The following PAQR8 variants were observed in gnomAD, a reference collection of about 807,000 sequenced individuals.
The protein encoded by PAQR8 is membrane progestin receptor beta.
In PAQR8, 17 loss-of-function variants were observed where a neutral mutation model predicts 25.2. The ratio of observed to expected loss-of-function variants is 0.67; its 90% CI spans 0.46 to 1.01. PAQR8 has a LOEUF of 1.01. Among genes scored for constraint, PAQR8 ranks in the 50% least tolerant of loss-of-function variants. PAQR8 has a pLI of 0.00. For synonymous variants in PAQR8, 204 were observed against 190.6 expected, an observed-to-expected ratio of 1.07 and a Z score of -0.58; for missense variants, 392 against 448.4, an observed-to-expected ratio of 0.87 and a Z score of 1.14.
intron 1 of PAQR8, among the ~76,000 whole-genome samples, chr6:52,363,922 G>A (rs1333033722): frequency 1.3e-5 from 2 of 151,984 alleles, no homozygotes; most frequent in Admixed American, 6.6e-5. Flanking sequence ...CCTTGGGTGC[G>A]TGTCCTTCAA....
chr6:52,402,393 G>C (rs1170925883), intron 1 of PAQR8, among the ~76,000 whole-genome samples: 1 of 150,374 alleles, frequency 6.7e-6, no homozygotes, highest in Admixed American at 6.6e-5. Flanking sequence ...TGAGGTGGGC[G>C]GATCACCTGA....
chr6:52,371,719 T>C (rs1763421599), intron 1 of PAQR8, among the ~76,000 whole-genome samples: 1 of 152,230 alleles, frequency 6.6e-6, no homozygotes. Flanking sequence ...ATAGCTACCA[T>C]GTATTGAGCA....
chr6:52,366,042 A>T (rs1307905471), intron 1 of PAQR8, among the ~76,000 whole-genome samples: 2 of 152,156 alleles, frequency 1.3e-5, no homozygotes, highest in African/African-American at 2.4e-5. Flanking sequence ...CATTCCCTTC[A>T]TTCCAAATGT....
At chr6:52,386,513 G>A (rs77655326) in intron 1 of PAQR8, among the ~76,000 whole-genome samples, 6,309 of 152,258 alleles carry the variant, frequency 0.041, 223 homozygotes, top group East Asian at 0.15. Context: ...ATGGAATACT[G>A]TGGAGCTGTA....
intron 1 of PAQR8, among the ~76,000 whole-genome samples, chr6:52,381,340 G>A (rs892774609): frequency 1.3e-5 from 2 of 152,248 alleles, no homozygotes; most frequent in Non-Finnish European, 2.9e-5. Context: ...GGGTGCGGTG[G>A]CTCGGGCCTG....
chr6:52,368,196 C>T (rs538343296), intron 1 of PAQR8, among the ~76,000 whole-genome samples: 4 of 152,258 alleles, frequency 2.6e-5, no homozygotes, highest in South Asian at 2.1e-4. Context: ...CTTCAGCAAA[C>T]GGGCAAGTGG....
rs542940895 is a variant in PAQR8 at position 52,398,983 on chromosome 6, T to TGGCTATTGGGTTACACACTCCAGG, written c.-52-4176_-52-4153dup. On this transcript the variant is annotated intron_variant, in intron 1 of 1. Transcript: ENST00000442253. ...ATCCCTGGACTCTCAGGTTCCTTTG[T>TGGCTATTGGGTTACACACTCCAGG]GGCTATTGGGTTACACACTCCAGGG... 4.0e-3 allele frequency among the ~76,000 whole-genome samples: 616 copies of TGGCTATTGGGTTACACACTCCAGG among 152,306 alleles called. 5 individuals are homozygous for TGGCTATTGGGTTACACACTCCAGG. The highest frequency in any genetic ancestry group is 0.014 in the African/African-American group (578 of 41,552).
intron 1 of PAQR8, among the ~76,000 whole-genome samples, chr6:52,387,958 C>A (rs1181892689): frequency 2.6e-5 from 4 of 152,242 alleles, no homozygotes; most frequent in Non-Finnish European, 5.9e-5. Flanking sequence ...GCCTGATGAT[C>A]TGTTACTGTC....
chr6:52,402,940 C>T (rs1398867027), intron 1 of PAQR8, among the ~76,000 whole-genome samples: 1 of 152,080 alleles, frequency 6.6e-6, no homozygotes, highest in Non-Finnish European at 1.5e-5. Flanking sequence ...AAAAATTATC[C>T]GGGCGTGTTG....
rs1289866486 is a variant in PAQR8, at chr6:52,403,394, G to GT, written c.181_182insT (p.Glu61ValfsTer40). On this transcript the variant is annotated frameshift_variant, in exon 2 of 2. Coordinates refer to ENST00000442253, the MANE Select transcript of PAQR8 (RefSeq NM_133367.5). LOFTEE classifies it high-confidence loss of function. ...CACCGGCTACCGCCCCACGGGGCAC[G>GT]AGTGGCGCTACTACTTCTTCAGCCT... 3 of 1,614,242 alleles carry GT rather than the reference G, an allele frequency of 1.9e-6. No individual in the cohort carries two copies. The highest frequency in any genetic ancestry group is 2.5e-6 in the Non-Finnish European group (3 of 1,180,046).
intron 1 of PAQR8, among the ~76,000 whole-genome samples, chr6:52,383,241 T>G (rs992918555): frequency 2.0e-5 from 3 of 152,282 alleles, no homozygotes; most frequent in Non-Finnish European, 4.4e-5. Context: ...TCTACATACT[T>G]GAAATATTTC....
At chr6:52,370,670 A>C (rs1019531235) in intron 1 of PAQR8, among the ~76,000 whole-genome samples, 1 of 152,220 alleles carries the variant, frequency 6.6e-6, no homozygotes, top group African/African-American at 2.4e-5. Context: ...GAATATCCAA[A>C]GAGGGGGACA....
chr6:52,373,185 G>A (rs2113935940), intron 1 of PAQR8, among the ~76,000 whole-genome samples: 1 of 152,272 alleles, frequency 6.6e-6, no homozygotes, highest in South Asian at 2.1e-4. Context: ...GTTCATTTAG[G>A]TACACAGGGA....
chr6:52,367,889 C>T (rs914829892), intron 1 of PAQR8, among the ~76,000 whole-genome samples: 1 of 152,288 alleles, frequency 6.6e-6, no homozygotes, highest in Admixed American at 6.5e-5. Context: ...AGAGAGTTTC[C>T]TTTGCTGTGT....
intron 1 of PAQR8, among the ~76,000 whole-genome samples, chr6:52,398,310 G>C (rs1421426336): frequency 6.7e-6 from 1 of 149,712 alleles, no homozygotes; most frequent in African/African-American, 2.5e-5. Flanking sequence ...TGGTTCAAGT[G>C]ATTCTCCTGC....
In PAQR8 at chr6:52,403,534, C is replaced by T. The variant is rs1763866121; in HGVS notation, c.321C>T (p.Thr107=). 3.7e-6 allele frequency: 6 copies of T among 1,613,926 alleles called. No homozygotes were observed. Among genetic ancestry groups the T allele is most frequent in the African/African-American group, 1.3e-5 (1 of 74,954 alleles). ...AEAEALPWAS[T]HSLPLLLFIL... is the part of the protein sequence containing the mutation. Reference sequence around the variant, plus strand: ...CTGAGGCCTTGCCATGGGCGTCTACCCACTCCCTGCCTCTGCTCCTCTTCA... The same window carrying T: ...CTGAGGCCTTGCCATGGGCGTCTACTCACTCCCTGCCTCTGCTCCTCTTCA... Residue 107 remains threonine, a synonymous_variant, in exon 2 of 2, where the codon ACC becomes ACT. Transcript: ENST00000442253.
intron 1 of PAQR8, among the ~76,000 whole-genome samples, chr6:52,387,868 G>C (rs907090310): frequency 2.0e-5 from 3 of 152,226 alleles, no homozygotes; most frequent in African/African-American, 7.2e-5. Flanking sequence ...AGCAGCATTA[G>C]ATTTTCATAG....
At chr6:52,380,022 A>T (rs565277751) in intron 1 of PAQR8, among the ~76,000 whole-genome samples, 15 of 152,320 alleles carry the variant, frequency 9.8e-5, no homozygotes, top group African/African-American at 2.9e-4. Context: ...TGGCCTCCCA[A>T]AGTGCTGGGA....
chr6:52,400,270 G>A (rs1300370131), intron 1 of PAQR8, among the ~76,000 whole-genome samples: 2 of 152,104 alleles, frequency 1.3e-5, no homozygotes, highest in Non-Finnish European at 2.9e-5. Context: ...GGTATGGAGG[G>A]GACATTAGGC....
Sources: allele counts gnomAD v4.1 joint callset (sites outside exome capture counted in the v4.1 genomes callset), GRCh38; gene constraint gnomAD v4.1.1; transcripts MANE v1.5; gene names NCBI Gene and HGNC (gene_info 2026-07-23, HGNC 2026-07-21).